SIPA1L3: variants seen among roughly 807,000 people sequenced by gnomAD.
The protein encoded by SIPA1L3 is signal induced proliferation associated 1 like 3.
Under a neutral mutation model 150.1 loss-of-function variants are expected in SIPA1L3, and 59 were observed. That is an observed-to-expected ratio of 0.39 (90% CI 0.32 to 0.49). The LOEUF (loss-of-function observed/expected upper bound fraction) is 0.49. SIPA1L3 is among the 20% of genes least tolerant of loss of function. The pLI is 0.86. For synonymous variants in SIPA1L3, 1,070 were observed against 1,077.6 expected (o/e 0.99, Z 0.14); for missense variants, 2,211 against 2,489.5 (o/e 0.89, Z 2.38).
intron 1 of SIPA1L3, among the ~76,000 whole-genome samples, chr19:37,997,386 G>A (rs1185470295): frequency 6.6e-6 from 1 of 151,180 alleles, no homozygotes; most frequent in East Asian, 2.0e-4. Flanking sequence ...TGGCCAACAT[G>A]GTGACACCCG....
intron 1 of SIPA1L3, among the ~76,000 whole-genome samples, chr19:38,009,444 C>T (rs1168057049): frequency 6.6e-6 from 1 of 152,094 alleles, no homozygotes; most frequent in African/African-American, 2.4e-5. Context: ...GTCCAATTTG[C>T]CCAAGAGACC....
chr19:38,125,485 C>T (rs1336761699), intron 9 of SIPA1L3, among the ~76,000 whole-genome samples: 2 of 152,306 alleles, frequency 1.3e-5, no homozygotes, highest in South Asian at 2.1e-4. Context: ...CACCCACCCC[C>T]GTGCCTACTG....
chr19:37,985,496 AGAAAG>A (rs1320935043), intron 1 of SIPA1L3, among the ~76,000 whole-genome samples: 4 of 152,206 alleles, frequency 2.6e-5, no homozygotes, highest in East Asian at 3.9e-4. Flanking sequence ...GAGAAAGAAA[AGAAAG>A]GAAAGGAAGG....
intron 1 of SIPA1L3, among the ~76,000 whole-genome samples, chr19:37,971,621 A>G (rs1215954879): frequency 1.3e-5 from 2 of 151,730 alleles, no homozygotes; most frequent in African/African-American, 2.4e-5. Flanking sequence ...GCTGGAGTAC[A>G]GTGGCGCGAT....
At chr19:38,195,221 CT>C (rs1972896191) in intron 18 of SIPA1L3, among the ~76,000 whole-genome samples, 1 of 152,130 alleles carries the variant, frequency 6.6e-6, no homozygotes, top group Admixed American at 6.6e-5. Flanking sequence ...CGGCTGTTCT[CT>C]CCGCCCGCCA....
intron 1 of SIPA1L3, among the ~76,000 whole-genome samples, chr19:37,997,577 A>G (rs531460368): frequency 1.4e-5 from 2 of 146,506 alleles, no homozygotes; most frequent in East Asian, 4.0e-4. Context: ...TTAAAAAAAA[A>G]AAAAAAAAAG....
chr19:38,104,724 A>T (rs1397996579), intron 6 of SIPA1L3, among the ~76,000 whole-genome samples: 2 of 151,978 alleles, frequency 1.3e-5, no homozygotes, highest in Non-Finnish European at 2.9e-5. Context: ...AGCACGTGCC[A>T]CCAGACCCAA....
At chr19:37,915,744 A>C (rs2046409707) in intron 1 of SIPA1L3, among the ~76,000 whole-genome samples, 2 of 152,222 alleles carry the variant, frequency 1.3e-5, no homozygotes, top group Non-Finnish European at 2.9e-5. Flanking sequence ...TAGCCCATCA[A>C]CTAAGACAAT....
intron 1 of SIPA1L3, among the ~76,000 whole-genome samples, chr19:37,996,777 C>A (rs1368669074): frequency 6.6e-6 from 1 of 152,072 alleles, no homozygotes; most frequent in Non-Finnish European, 1.5e-5. Context: ...CTCGCTACAC[C>A]CTCCACCTTC....
intron 7 of SIPA1L3, 121 bp downstream of exon 7, chr19:38,106,761 C>A: frequency 1.5e-6 from 1 of 674,538 alleles, no homozygotes; most frequent in South Asian, 1.8e-5. Context: ...GCCATCTTTA[C>A]TATGGTCACT....
intron 7 of SIPA1L3, chr19:38,109,292 AG>A (rs1412280505): frequency 6.6e-6 from 1 of 152,222 alleles, no homozygotes; most frequent in Non-Finnish European, 1.5e-5. Flanking sequence ...GAGCTTGTGC[AG>A]GGGAACCACA....
At chr19:38,085,198 C>T (rs1296664327) in intron 3 of SIPA1L3, among the ~76,000 whole-genome samples, 1 of 151,932 alleles carries the variant, frequency 6.6e-6, no homozygotes, top group East Asian at 1.9e-4. Context: ...AAAGAAGTTC[C>T]AGGCCGGGCA....
At chr19:38,040,364 CA>C in intron 2 of SIPA1L3, among the ~76,000 whole-genome samples, 1 of 91,258 alleles carries the variant, frequency 1.1e-5, no homozygotes, top group East Asian at 3.9e-4. Flanking sequence ...TACCATTAGA[CA>C]GTTTTTTTTT....
At chr19:38,182,409 T>C in intron 15 of SIPA1L3, 110 bp from the exon 16 acceptor site, 1 of 797,108 alleles carries the variant, frequency 1.3e-6, no homozygotes, top group Admixed American at 2.3e-5. Flanking sequence ...TTTGTGTCTG[T>C]CTTGTGCAAA....
At chr19:38,084,401 C>T (rs1970077010) in intron 3 of SIPA1L3, among the ~76,000 whole-genome samples, 1 of 151,982 alleles carries the variant, frequency 6.6e-6, no homozygotes, top group African/African-American at 2.4e-5. Flanking sequence ...AAATTGCAGC[C>T]TCCGGCATAA....
chr19:38,170,819 A>G (rs1386497950), intron 15 of SIPA1L3, among the ~76,000 whole-genome samples: 1 of 152,038 alleles, frequency 6.6e-6, no homozygotes, highest in Non-Finnish European at 1.5e-5. Context: ...AACGAGGGTC[A>G]CATCTGCCAA....
chr19:38,000,899 T>TATATATATATAAC (rs1255305387), intron 1 of SIPA1L3, among the ~76,000 whole-genome samples: 1 of 103,236 alleles, frequency 9.7e-6, no homozygotes, highest in African/African-American at 4.1e-5. Flanking sequence ...ATATGTTATA[T>TATATATATATAAC]ATATATATAT....
At chr19:38,034,270 A>G (rs1968726719) in intron 2 of SIPA1L3, among the ~76,000 whole-genome samples, 2 of 152,220 alleles carry the variant, frequency 1.3e-5, no homozygotes, top group African/African-American at 4.8e-5. Flanking sequence ...AAGCAGTAAT[A>G]ATGAACATTA....
At chr19:38,080,357 G>C (rs1336882724) in intron 2 of SIPA1L3, among the ~76,000 whole-genome samples, 1 of 152,182 alleles carries the variant, frequency 6.6e-6, no homozygotes, top group Non-Finnish European at 1.5e-5. Context: ...GGCACCTCAG[G>C]GATCCTGAAA....
Sources: gnomAD v4.1 joint callset for allele counts (sites outside exome capture counted in the v4.1 genomes callset) on GRCh38, gnomAD v4.1.1 for gene constraint, MANE v1.5 for transcripts, NCBI Gene and HGNC (gene_info 2026-07-23, HGNC 2026-07-21) for gene names.